The following RGS6 variants were observed in gnomAD, a reference collection of about 807,000 sequenced individuals.
The protein encoded by RGS6 is regulator of G protein signaling 6, also known as regulator of G-protein signaling 6.
A neutral mutation model predicts 78.5 loss-of-function variants in RGS6; 30 were observed. That is an observed-to-expected ratio of 0.38 (90% CI 0.29 to 0.52). The LOEUF (loss-of-function observed/expected upper bound fraction) is 0.52. Among genes scored for constraint, RGS6 ranks in the 20% least tolerant of loss-of-function variants. The probability of loss-of-function intolerance (pLI) is 0.85; values close to 1 mark genes in which losing one functional copy is unlikely to be tolerated. For missense variants in RGS6, 495 were observed against 609.7 expected (o/e 0.81, Z 1.98); for synonymous variants, 206 against 206.0 (o/e 1.00, Z 0.00).
At chr14:72,514,837 G>GT (rs1482142365) in intron 14 of RGS6, among the ~76,000 whole-genome samples, 1 of 152,142 alleles carries the variant, frequency 6.6e-6, no homozygotes, top group Non-Finnish European at 1.5e-5. Context: ...GTACCTGCAG[G>GT]TTTTTTATAA....
At chr14:72,537,488 T>A (rs1030879295) in intron 16 of RGS6, 3 of 702,206 alleles carry the variant, frequency 4.3e-6, no homozygotes, top group Non-Finnish European at 5.2e-6. Flanking sequence ...TGTCAGCAGC[T>A]CTCTGGGTTT....
At chr14:72,483,009 C>G (rs1290071824) in intron 12 of RGS6, among the ~76,000 whole-genome samples, 1 of 152,154 alleles carries the variant, frequency 6.6e-6, no homozygotes, top group Non-Finnish European at 1.5e-5. Context: ...TGCAGAGGCT[C>G]TTATGCTCAC....
At chr14:72,263,399 T>G (rs1346801386) in intron 2 of RGS6, among the ~76,000 whole-genome samples, 2 of 152,152 alleles carry the variant, frequency 1.3e-5, no homozygotes, top group Non-Finnish European at 2.9e-5. Flanking sequence ...GAGATTTGGC[T>G]CCAGCCTGGC....
At chr14:72,265,351 C>T (rs2153897379) in intron 2 of RGS6, among the ~76,000 whole-genome samples, 1 of 152,254 alleles carries the variant, frequency 6.6e-6, no homozygotes, top group Non-Finnish European at 1.5e-5. Flanking sequence ...TCTCTCCTTG[C>T]TTCATGGGAA....
chr14:72,269,617 T>C (rs1296624927), intron 2 of RGS6, among the ~76,000 whole-genome samples: 1 of 139,334 alleles, frequency 7.2e-6, no homozygotes, highest in Non-Finnish European at 1.5e-5. Flanking sequence ...CTCTCTGGAG[T>C]GCAGTGGCAC....
intron 2 of RGS6, among the ~76,000 whole-genome samples, chr14:72,147,000 G>C (rs531956082): frequency 2.4e-4 from 37 of 152,170 alleles, no homozygotes; most frequent in Non-Finnish European, 2.8e-4. Context: ...CTTTACTCCA[G>C]TTTCCAATAC....
At chr14:72,545,973 C>T (rs1054774859) in intron 17 of RGS6, among the ~76,000 whole-genome samples, 16 of 152,258 alleles carry the variant, frequency 1.1e-4, no homozygotes, top group East Asian at 3.9e-4. Flanking sequence ...TCGGTGTTGC[C>T]GCATCACTGC....
At chr14:72,270,644 A>G (rs1015196313) in intron 2 of RGS6, among the ~76,000 whole-genome samples, 15 of 152,226 alleles carry the variant, frequency 9.9e-5, no homozygotes, top group Non-Finnish European at 2.1e-4. Context: ...TGTGGCAACA[A>G]TAGTTTGGAC....
intron 2 of RGS6, among the ~76,000 whole-genome samples, chr14:72,161,877 G>T (rs1312413849): frequency 2.0e-5 from 3 of 152,178 alleles, no homozygotes; most frequent in Non-Finnish European, 4.4e-5. Context: ...TATTTTCTTT[G>T]TTTTCTTCTT....
chr14:72,527,708 G>A (rs776018038), intron 15 of RGS6, among the ~76,000 whole-genome samples: 9 of 152,030 alleles, frequency 5.9e-5, no homozygotes, highest in Middle Eastern at 3.2e-3. Context: ...ACATTTAATT[G>A]TGTGATTGAC....
intron 2 of RGS6, among the ~76,000 whole-genome samples, chr14:72,164,350 T>C (rs1036091791): frequency 6.6e-6 from 1 of 151,662 alleles, no homozygotes; most frequent in Non-Finnish European, 1.5e-5. Context: ...CCCTGTGAAG[T>C]GGAGCTCAGT....
chr14:72,039,301 G>C (rs1374325804), intron 2 of RGS6, among the ~76,000 whole-genome samples: 1 of 152,156 alleles, frequency 6.6e-6, no homozygotes, highest in Non-Finnish European at 1.5e-5. Flanking sequence ...TAAGCTGGTA[G>C]TTGACATTGT....
chr14:72,325,180 C>T (rs2073369750), intron 2 of RGS6, among the ~76,000 whole-genome samples: 1 of 152,172 alleles, frequency 6.6e-6, no homozygotes, highest in Non-Finnish European at 1.5e-5. Flanking sequence ...TCATATCCTT[C>T]ACCCACTTTT....
chr14:71,878,919 A>G, the RGS6 span, among the ~76,000 whole-genome samples: 17 of 152,254 alleles, frequency 1.1e-4, no homozygotes, highest in African/African-American at 3.9e-4. Flanking sequence ...GTACAATTAG[A>G]GTCCCACCAA....
At chr14:72,111,332 C>T (rs2095756747) in intron 2 of RGS6, among the ~76,000 whole-genome samples, 1 of 152,180 alleles carries the variant, frequency 6.6e-6, no homozygotes, top group Non-Finnish European at 1.5e-5. Flanking sequence ...TGCTGTTTCT[C>T]TTCCAGGACA....
At chr14:72,414,584 G>C (rs947232982) in intron 3 of RGS6, among the ~76,000 whole-genome samples, 8 of 152,348 alleles carry the variant, frequency 5.3e-5, no homozygotes, top group African/African-American at 1.4e-4. Context: ...TCTCCGTCCA[G>C]CTGTGTTCCG....
chr14:72,611,518 C>A, the RGS6 span, among the ~76,000 whole-genome samples: 1 of 152,154 alleles, frequency 6.6e-6, no homozygotes, highest in East Asian at 1.9e-4. Context: ...GCCCCCACCC[C>A]CCCAGTCCCG....
intron 17 of RGS6, among the ~76,000 whole-genome samples, chr14:72,546,552 G>T (rs1200448315): frequency 6.6e-6 from 1 of 152,166 alleles, no homozygotes; most frequent in African/African-American, 2.4e-5. Flanking sequence ...CAGCCAAAAT[G>T]CTCTCCCCAC....
chr14:72,411,519 C>T (rs2093413094), intron 3 of RGS6, among the ~76,000 whole-genome samples: 1 of 152,164 alleles, frequency 6.6e-6, no homozygotes, highest in Admixed American at 6.5e-5. Flanking sequence ...CAAACAGGGA[C>T]AATTTGACTT....
Sources: gnomAD v4.1 joint callset for allele counts (sites outside exome capture counted in the v4.1 genomes callset) on GRCh38, gnomAD v4.1.1 for gene constraint, MANE v1.5 for transcripts, NCBI Gene and HGNC (gene_info 2026-07-23, HGNC 2026-07-21) for gene names.